Variants in ADH7 observed in about 807,000 individuals in gnomAD.
ADH7 encodes all-trans-retinol dehydrogenase [NAD(+)] ADH7.
In ADH7, 41 loss-of-function variants were observed where a neutral mutation model predicts 34.4. The ratio of observed to expected loss-of-function variants is 1.19; its 90% CI spans 0.93 to 1.55. The LOEUF is 1.55. ADH7 is among the 40% of genes most tolerant of loss of function. The pLI is 0.00. For synonymous variants in ADH7, 180 were observed against 160.9 expected (o/e 1.12, Z -0.90); for missense variants, 540 against 461.2 (o/e 1.17, Z -1.56).
Position 99,419,049 on chromosome 4 carries a change from T to A in ADH7, c.898A>T (p.Met300Leu). The change falls in exon 7 of 9, where the codon ATG becomes TTG. Residue 300 changes from methionine to leucine, a missense_variant. By Grantham distance (15) the Met-to-Leu change is conservative. Coordinates refer to ENST00000437033, the MANE Select transcript of ADH7 (RefSeq NM_000673.7). ...VVVGVPPSAK[M>L]LTYDPMLLFT... ...AGCAACATCGGGTCATAGGTGAGCA[T>A]CTTGGCTGATGGAGGAACTCCTACA... 6.2e-6 allele frequency: 10 copies of A among 1,613,862 alleles called. No individual in the cohort carries two copies. The highest frequency in any genetic ancestry group is 8.5e-6 in the Non-Finnish European group (10 of 1,179,890).
intron 5 of ADH7, among the ~76,000 whole-genome samples, chr4:99,424,526 C>T (rs1261811633): frequency 6.6e-6 from 1 of 152,104 alleles, no homozygotes; most frequent in Non-Finnish European, 1.5e-5. Flanking sequence ...GAATGTTCTT[C>T]CATTTCTTTG....
intron 8 of ADH7, among the ~76,000 whole-genome samples, chr4:99,415,171 G>A (rs1721487664): frequency 6.6e-6 from 1 of 152,006 alleles, no homozygotes; most frequent in African/African-American, 2.4e-5. Context: ...AGCCTGTGAA[G>A]AAGGTGCCTT....
chr4:99,413,292 TC>T, intron 8 of ADH7, 120 bp from the exon 9 acceptor site: 1 of 1,098,082 alleles, frequency 9.1e-7, no homozygotes, highest in Non-Finnish European at 1.3e-6. Flanking sequence ...TTATTGGAAA[TC>T]CTCTGGGCTC....
intron 7 of ADH7, among the ~76,000 whole-genome samples, chr4:99,418,403 G>A (rs571242684): frequency 6.6e-6 from 1 of 152,170 alleles, no homozygotes; most frequent in East Asian, 1.9e-4. Flanking sequence ...CTGTATGAAG[G>A]CACTAGAAAA....
intron 5 of ADH7, among the ~76,000 whole-genome samples, chr4:99,423,037 C>G (rs1365814099): frequency 1.9e-5 from 2 of 106,988 alleles, no homozygotes; most frequent in Non-Finnish European, 3.6e-5. Flanking sequence ...CTCCCCCCAC[C>G]CCACAACAGT....
intron 2 of ADH7, among the ~76,000 whole-genome samples, 172 bp from the exon 3 acceptor site, chr4:99,428,802 C>T (rs1721876285): frequency 1.3e-5 from 2 of 152,272 alleles, no homozygotes; most frequent in South Asian, 4.2e-4. Context: ...AGACAAGATC[C>T]CTCTCTGACG....
rs552430238 is a variant in ADH7 at position 99,420,783 on chromosome 4, C to A, written c.575G>T (p.Gly192Val). The A allele has an allele frequency of 1.2e-6, 2 of 1,613,760 alleles. No homozygotes were observed. Among genetic ancestry groups the A allele is most frequent in the South Asian group, 1.1e-5 (1 of 91,066 alleles). ...CAGGCCAAAGACGACGCAAGTGGAA[C>A]CAGGTTTGACCTGTGGAGAGGAATG... is the stretch of plus-strand genomic sequence containing the variant. Reference protein sequence around the residue: ...AAVKTGKVKPGSTCVVFGLGG... With the variant: ...AAVKTGKVKPVSTCVVFGLGG... Residue 192 changes from glycine to valine, a missense_variant, in exon 6 of 9, where the codon GGT (glycine) becomes GTT (valine). Physicochemically the swap from Gly to Val is moderately radical, Grantham distance 109. Coordinates refer to ENST00000437033, the MANE Select transcript of ADH7 (RefSeq NM_000673.7).
At chr4:99,415,692 T>G in intron 7 of ADH7, 76 bp from the exon 8 acceptor site, 1 of 1,446,528 alleles carries the variant, frequency 6.9e-7, no homozygotes. Context: ...ATTTATTCCT[T>G]CTCTTTCCTG....
intron 7 of ADH7, 121 bp from the exon 8 acceptor site, chr4:99,415,737 C>A: frequency 3.8e-6 from 4 of 1,061,568 alleles, no homozygotes; most frequent in Non-Finnish European, 5.4e-6. Flanking sequence ...TCATTCCCAG[C>A]AGTGTACAAA....
In ADH7 at chr4:99,428,112, C is replaced by A; in HGVS notation, c.322G>T (p.Asp108Tyr). 2.5e-6 allele frequency: 4 copies of A among 1,613,934 alleles called. No individual in the cohort carries two copies. Among genetic ancestry groups the A allele is most frequent in the African/African-American group, 1.3e-5 (1 of 75,024 alleles). ...CRECNACRNP[D>Y]GNLCIRSDIT... ...TCGCTCCTAATGCAAAGGTTGCCAT[C>A]TGGGTTGCGACAAGCATTGCATTCT... Residue 108 changes from aspartate (D) to tyrosine (Y), a missense_variant, in exon 4 of 9, where the codon GAT becomes TAT. Coordinates refer to ENST00000437033, the MANE Select transcript of ADH7 (RefSeq NM_000673.7).
rs924758202 is a variant in ADH7, at chr4:99,412,315, A to G, written c.*833T>C. 1.8e-4 allele frequency: 27 copies of G among 152,152 alleles called. No homozygotes were observed. The highest frequency in any genetic ancestry group is 6.5e-4 in the African/African-American group (27 of 41,470). 9.4% of individuals were successfully genotyped at this position (152,152 alleles called of 1,614,324 possible). Reference sequence around the variant, plus strand: ...AATTTTTAACATGTTATAGATATATATAGATACATCAGTGTAGTTGTTAAA... The same window carrying G: ...AATTTTTAACATGTTATAGATATATGTAGATACATCAGTGTAGTTGTTAAA... On this transcript the variant is annotated 3_prime_UTR_variant, in exon 9 of 9. Transcript: ENST00000437033.
chr4:99,420,669 T>C lies in ADH7; in HGVS notation c.689A>G (p.Glu230Gly). 2 of 1,613,938 alleles carry C rather than the reference T, an allele frequency of 1.2e-6. No individual in the cohort carries two copies. The highest frequency in any genetic ancestry group is 1.7e-6 in the Non-Finnish European group (2 of 1,179,930). Residue 230 changes from glutamate to glycine, a missense_variant, in exon 6 of 9, where the codon GAG becomes GGG. Physicochemically the swap from Glu to Gly is moderately conservative, Grantham distance 98 (BLOSUM62 -2). Coordinates refer to ENST00000437033, the MANE Select transcript of ADH7 (RefSeq NM_000673.7). ...IGIDLNKDKF[E>G]KAMAVGATEC... is the part of the protein sequence containing the mutation. ...AGTGGCACCTACAGCCATGGCCTTC[T>C]CAAATTTGTCTTTGTTGAGGTCAAT...
intron 5 of ADH7, among the ~76,000 whole-genome samples, chr4:99,423,251 C>T (rs1352379054): frequency 6.7e-6 from 1 of 148,906 alleles, no homozygotes; most frequent in Non-Finnish European, 1.5e-5. Flanking sequence ...TGTATATGTG[C>T]CACATTTTCT....
rs1227439075 is a variant in ADH7, at chr4:99,420,602, C to A, written c.756G>T (p.Glu252Asp). The change falls in exon 6 of 9, where the codon GAG (glutamate) becomes GAT (aspartate). Residue 252 changes from glutamate to aspartate, a missense_variant. Physicochemically the swap from Glu to Asp is conservative, Grantham distance 45. Transcript: ENST00000437033. Reference protein sequence around the residue: ...SPKDSTKPISEVLSEMTGNNV... With the variant: ...SPKDSTKPISDVLSEMTGNNV... The stretch of plus-strand genomic sequence containing the variant: ...TGTTGCCTGTCATTTCTGACAGCAC[C>A]TCACTGATGGGTTTGGTAGAGTCCT... 1 of 1,613,910 alleles carries A rather than the reference C, an allele frequency of 6.2e-7. No individual in the cohort carries two copies. The highest frequency in any genetic ancestry group is 8.5e-7 in the Non-Finnish European group (1 of 1,179,934).
intron 8 of ADH7, 168 bp downstream of exon 8, chr4:99,415,310 G>A: frequency 1.4e-6 from 1 of 699,654 alleles, no homozygotes; most frequent in Non-Finnish European, 2.3e-6. Flanking sequence ...TTTTATAGTA[G>A]TATGAAAATA....
intron 1 of ADH7, among the ~76,000 whole-genome samples, chr4:99,433,100 T>A (rs1154468): frequency 0.28 from 42,993 of 152,084 alleles, 6,698 homozygotes; most frequent in Admixed American, 0.37. Context: ...CATCAAGATA[T>A]TTAAGGATGT....
At chr4:99,419,174 CAT>C in intron 6 of ADH7, 53 bp from the exon 7 acceptor site, 1 of 1,581,750 alleles carries the variant, frequency 6.3e-7, no homozygotes. Context: ...TACAGTGTGA[CAT>C]AAGCTCTGAA....
chr4:99,420,322 G>A (rs533994514), intron 6 of ADH7, among the ~76,000 whole-genome samples: 6 of 152,172 alleles, frequency 3.9e-5, no homozygotes, highest in East Asian at 1.9e-4. Flanking sequence ...GGTATGATAT[G>A]GTATTTAACT....
Position 99,428,103 on chromosome 4 carries a change from G to T in ADH7, c.331C>A (p.Leu111Ile), listed in dbSNP as rs758704409. 114 of 1,613,804 alleles carry T rather than the reference G, an allele frequency of 7.1e-5. No homozygotes were observed. Among genetic ancestry groups the T allele is most frequent in the Non-Finnish European group, 9.5e-5 (112 of 1,179,890 alleles). Residue 111 changes from leucine to isoleucine, a missense_variant, in exon 4 of 9, where the codon CTT becomes ATT. Leu to Ile is a conservative substitution (Grantham distance 5, BLOSUM62 2). Coordinates refer to ENST00000437033, the MANE Select transcript of ADH7 (RefSeq NM_000673.7). ...CNACRNPDGNLCIRSDITGRG... is the reference protein window; with the variant it reads ...CNACRNPDGNICIRSDITGRG... ...GAAACCTACTCGCTCCTAATGCAAA[G>T]GTTGCCATCTGGGTTGCGACAAGCA...
Sources: allele counts gnomAD v4.1 joint callset (sites outside exome capture counted in the v4.1 genomes callset), GRCh38; gene constraint gnomAD v4.1.1; transcripts MANE v1.5; gene names NCBI Gene and HGNC (gene_info 2026-07-23, HGNC 2026-07-21).